Variants in MGAT4C observed in about 807,000 individuals in gnomAD.
The protein encoded by MGAT4C is alpha-1,3-mannosyl-glycoprotein 4-beta-N-acetylglucosaminyltransferase C.
Under a neutral mutation model 40.1 loss-of-function variants are expected in MGAT4C, and 19 were observed. The ratio of observed to expected loss-of-function variants is 0.47; its 90% CI spans 0.33 to 0.70. The LOEUF (loss-of-function observed/expected upper bound fraction) is 0.70. MGAT4C is among the 30% of genes least tolerant of loss of function. The probability of loss-of-function intolerance (pLI) is 0.02; values close to 1 mark genes in which losing one functional copy is unlikely to be tolerated. For missense variants in MGAT4C, 491 were observed against 563.2 expected, an observed-to-expected ratio of 0.87 and a Z score of 1.30; for synonymous variants, 181 against 187.1, an observed-to-expected ratio of 0.97 and a Z score of 0.27.
At chr12:86,464,712 A>G (rs555800135) in intron 2 of MGAT4C, among the ~76,000 whole-genome samples, 1 of 152,152 alleles carries the variant, frequency 6.6e-6, no homozygotes, top group Non-Finnish European at 1.5e-5. Flanking sequence ...TCTTTTACAA[A>G]GGGAGTCTAG....
At chr12:86,052,118 CATA>C (rs1053577985) in intron 1 of MGAT4C, among the ~76,000 whole-genome samples, 2 of 151,238 alleles carry the variant, frequency 1.3e-5, no homozygotes, top group Admixed American at 1.3e-4. Flanking sequence ...ATCAGGTTGC[CATA>C]ATAAGATAAT....
At chr12:86,478,146 T>C (rs1957872647) in intron 2 of MGAT4C, among the ~76,000 whole-genome samples, 1 of 152,150 alleles carries the variant, frequency 6.6e-6, no homozygotes, top group African/African-American at 2.4e-5. Context: ...TCACAGGCAC[T>C]GAGGTGGATG....
chr12:86,643,232 G>A (rs1401187055), intron 2 of MGAT4C, among the ~76,000 whole-genome samples: 2 of 151,698 alleles, frequency 1.3e-5, no homozygotes, highest in East Asian at 3.9e-4. Context: ...ATTCATGAGG[G>A]CAGAGCCGCC....
At chr12:86,312,731 TGTGTCAGAGAAAAAC>T (rs1807925584) in intron 4 of MGAT4C, among the ~76,000 whole-genome samples, 1 of 152,148 alleles carries the variant, frequency 6.6e-6, no homozygotes, top group African/African-American at 2.4e-5. Flanking sequence ...AACTCCTTTT[TGTGTCAGAGAAAAAC>T]AAACCTTTCA....
At chr12:86,502,260 T>C (rs1958359252) in intron 2 of MGAT4C, among the ~76,000 whole-genome samples, 1 of 152,024 alleles carries the variant, frequency 6.6e-6, no homozygotes, top group Admixed American at 6.6e-5. Context: ...ATGATACATA[T>C]TATATGATCC....
At chr12:86,132,809 A>G (rs948050354) in intron 1 of MGAT4C, among the ~76,000 whole-genome samples, 60 of 151,644 alleles carry the variant, frequency 4.0e-4, no homozygotes, top group Non-Finnish European at 4.6e-4. Flanking sequence ...AAAAAAAAAA[A>G]AAAAGAAAAA....
At chr12:86,602,491 A>G (rs1340816231) in intron 2 of MGAT4C, among the ~76,000 whole-genome samples, 1 of 152,222 alleles carries the variant, frequency 6.6e-6, no homozygotes, top group Admixed American at 6.5e-5. Context: ...CTTGTTCTAC[A>G]TCCATGAATA....
chr12:86,627,227 C>T (rs1962843057), intron 2 of MGAT4C, among the ~76,000 whole-genome samples: 1 of 152,186 alleles, frequency 6.6e-6, no homozygotes, highest in Non-Finnish European at 1.5e-5. Flanking sequence ...GAATCTTGAA[C>T]TCGGTGGAGC....
At chr12:86,039,386 A>G (rs1891581007) in intron 2 of MGAT4C, among the ~76,000 whole-genome samples, 1 of 152,096 alleles carries the variant, frequency 6.6e-6, no homozygotes, top group Admixed American at 6.5e-5. Context: ...CTTTTCACAT[A>G]GTCCCATATT....
intron 1 of MGAT4C, among the ~76,000 whole-genome samples, chr12:86,110,664 A>AAGT (rs1877215200): frequency 6.6e-6 from 1 of 151,576 alleles, no homozygotes; most frequent in South Asian, 2.1e-4. Context: ...TTTCTCTAAA[A>AAGT]AGTATGTATT....
intron 2 of MGAT4C, among the ~76,000 whole-genome samples, chr12:86,650,448 T>C (rs1963663909): frequency 6.6e-6 from 1 of 151,794 alleles, no homozygotes; most frequent in African/African-American, 2.4e-5. Context: ...GCGCCAGAAA[T>C]GTGTATTGAG....
chr12:86,564,686 G>T (rs772229398), intron 2 of MGAT4C, among the ~76,000 whole-genome samples: 8 of 152,150 alleles, frequency 5.3e-5, no homozygotes, highest in Admixed American at 6.6e-5. Context: ...TGCTGTATTT[G>T]CCCCTCGTAC....
At chr12:86,173,249 G>A (rs1271296965) in intron 1 of MGAT4C, among the ~76,000 whole-genome samples, 3 of 151,994 alleles carry the variant, frequency 2.0e-5, no homozygotes, top group African/African-American at 7.2e-5. Context: ...CTCTGTATCA[G>A]CAATTTTCAT....
chr12:86,360,674 C>T (rs573200201), intron 3 of MGAT4C, among the ~76,000 whole-genome samples: 1 of 152,310 alleles, frequency 6.6e-6, no homozygotes, highest in Admixed American at 6.5e-5. Context: ...AAATCACAAA[C>T]ATTCCTATAC....
At chr12:86,518,015 T>C (rs1958726805) in intron 2 of MGAT4C, among the ~76,000 whole-genome samples, 1 of 152,130 alleles carries the variant, frequency 6.6e-6, no homozygotes. Flanking sequence ...AGGCCTGCTT[T>C]GAACTTTCCC....
chr12:86,813,356 C>A (rs766646971), intron 1 of MGAT4C, among the ~76,000 whole-genome samples: 8 of 151,974 alleles, frequency 5.3e-5, no homozygotes, highest in Non-Finnish European at 1.0e-4. Flanking sequence ...TGTCAAAATT[C>A]GTGCGTTTTT....
chr12:86,383,589 T>C (rs1955995354), intron 3 of MGAT4C, among the ~76,000 whole-genome samples: 1 of 144,888 alleles, frequency 6.9e-6, no homozygotes, highest in Non-Finnish European at 1.5e-5. Flanking sequence ...GAAAGAAATA[T>C]TTGACTGCCC....
At chr12:86,582,024 T>G (rs1297970154) in intron 2 of MGAT4C, among the ~76,000 whole-genome samples, 10 of 151,460 alleles carry the variant, frequency 6.6e-5, no homozygotes, top group Non-Finnish European at 1.5e-4. Context: ...TAAGTACAAG[T>G]TTTTGACTTC....
chr12:86,764,616 C>T (rs542768277), intron 1 of MGAT4C, among the ~76,000 whole-genome samples: 1 of 148,572 alleles, frequency 6.7e-6, no homozygotes, highest in Admixed American at 6.7e-5. Flanking sequence ...AGGCACCCCC[C>T]AGTAGGGGCA....
Sources: allele counts gnomAD v4.1 joint callset (sites outside exome capture counted in the v4.1 genomes callset), GRCh38; gene constraint gnomAD v4.1.1; transcripts MANE v1.5; gene names NCBI Gene and HGNC (gene_info 2026-07-23, HGNC 2026-07-21).